Variants in PON2 observed in about 807,000 individuals in gnomAD.
PON2 encodes serum paraoxonase/arylesterase 2.
A neutral mutation model predicts 36.6 loss-of-function variants in PON2; 27 were observed. That is an observed-to-expected ratio of 0.74 (90% CI 0.54 to 1.02). The LOEUF (loss-of-function observed/expected upper bound fraction) is 1.02. Among genes scored for constraint, PON2 ranks in the 50% least tolerant of loss-of-function variants. The pLI, the probability that PON2 is intolerant of heterozygous loss-of-function variation, is 0.00. For missense variants in PON2, 363 were observed against 421.1 expected, an observed-to-expected ratio of 0.86 and a Z score of 1.21; for synonymous variants, 149 against 156.3, an observed-to-expected ratio of 0.95 and a Z score of 0.35.
rs760056774 is a variant in PON2, at chr7:95,424,540, T to C, written c.120A>G (p.Pro40=). Residue 40 remains proline (P), a synonymous_variant, in exon 2 of 9, where the codon CCA becomes CCG. Coordinates refer to ENST00000222572, the MANE Select transcript of PON2 (RefSeq NM_000305.3). The part of the protein sequence containing the change: ...ASREVESVDL[P]HCHLIKGIEA... Reference sequence around the variant, plus strand: ...CAATTCCTTTAATCAGGTGGCAGTGTGGAAGGTCTACAGATTCTACTTCTC... The same window carrying C: ...CAATTCCTTTAATCAGGTGGCAGTGCGGAAGGTCTACAGATTCTACTTCTC... 2 of 1,613,416 alleles carry C rather than the reference T, an allele frequency of 1.2e-6. No individual in the cohort carries two copies. The highest frequency in any genetic ancestry group is 2.2e-5 in the East Asian group (1 of 44,838).
chr7:95,424,136 A>G (rs1212224163), intron 2 of PON2: 5 of 281,574 alleles, frequency 1.8e-5, no homozygotes, highest in African/African-American at 1.1e-4. Context: ...AGTAGTGAGC[A>G]GGGTAAATGC....
intron 1 of PON2, among the ~76,000 whole-genome samples, chr7:95,432,859 C>G (rs1476528038): frequency 6.6e-6 from 1 of 152,214 alleles, no homozygotes; most frequent in African/African-American, 2.4e-5. Context: ...GATGAAACTA[C>G]AACCATGGGA....
In PON2 at chr7:95,409,962, C is replaced by T; in HGVS notation, c.634G>A (p.Val212Ile). The T allele has an allele frequency of 6.2e-7, 1 of 1,613,898 alleles. No individual in the cohort carries two copies. Among genetic ancestry groups the T allele is most frequent in the Non-Finnish European group, 8.5e-7 (1 of 1,179,900 alleles). Residue 212 changes from valine (V) to isoleucine (I), a missense_variant, in exon 6 of 9, where the codon GTT becomes ATT. Physicochemically the swap from Val to Ile is conservative, Grantham distance 29 (BLOSUM62 3). Transcript: ENST00000222572. ...ANVVYYSPNE[V>I]KVVAEGFDSA... ...TCAAATCCTTCTGCTACCACTTTAA[C>T]TTCATTTGGACTGTAGTAAACAACA...
intron 2 of PON2, chr7:95,418,276 C>A (rs942391677): frequency 3.9e-5 from 6 of 152,156 alleles, no homozygotes; most frequent in Admixed American, 3.9e-4. Flanking sequence ...CTTGTAAATA[C>A]CCTGCATACA....
chr7:95,412,453 T>C lies in PON2; in HGVS notation c.226A>G (p.Ser76Gly). 1 of 1,614,134 alleles carries C rather than the reference T, an allele frequency of 6.2e-7. No homozygotes were observed. ...CCTCCAGGCTTATCTGGTGCAAAGCTGTGGAGTCCTGGGAATTTTAGACCC... is the reference window on the plus strand; with the variant it reads ...CCTCCAGGCTTATCTGGTGCAAAGCCGTGGAGTCCTGGGAATTTTAGACCC... ...SVGLKFPGLHSFAPDKPGGIL... is the reference protein window; with the variant it reads ...SVGLKFPGLHGFAPDKPGGIL... The change falls in exon 4 of 9, where the codon AGC (serine) becomes GGC (glycine). Residue 76 changes from serine to glycine, a missense_variant. Transcript: ENST00000222572.
chr7:95,429,259 C>T (rs767498675), intron 1 of PON2, among the ~76,000 whole-genome samples: 3 of 151,490 alleles, frequency 2.0e-5, no homozygotes, highest in African/African-American at 7.3e-5. Context: ...GTTCAATTCC[C>T]ACCTATAAGT....
intron 1 of PON2, among the ~76,000 whole-genome samples, chr7:95,424,916 T>G (rs1789280578): frequency 6.6e-6 from 1 of 152,162 alleles, no homozygotes; most frequent in Admixed American, 6.5e-5. Context: ...GTTGGTGTTG[T>G]GGGAAAAGAG....
At chr7:95,428,367 T>C (rs1789363188) in intron 1 of PON2, among the ~76,000 whole-genome samples, 1 of 152,150 alleles carries the variant, frequency 6.6e-6, no homozygotes, top group South Asian at 2.1e-4. Context: ...GACCAAGGAA[T>C]CCATGGGTAG....
chr7:95,426,631 C>G (rs1046700358), intron 1 of PON2, among the ~76,000 whole-genome samples: 1 of 152,180 alleles, frequency 6.6e-6, no homozygotes, highest in Non-Finnish European at 1.5e-5. Context: ...TGCCATGACC[C>G]TTGGCAGGTC....
At chr7:95,430,317 G>T (rs1178938810) in intron 1 of PON2, among the ~76,000 whole-genome samples, 34 of 142,116 alleles carry the variant, frequency 2.4e-4, no homozygotes, top group Middle Eastern at 3.6e-3. Context: ...AAATTTTTTT[G>T]TTTTTTTTTT....
chr7:95,407,680 C>T (rs987539), intron 6 of PON2, among the ~76,000 whole-genome samples: 84,289 of 151,976 alleles, frequency 0.55, 24,336 homozygotes, highest in East Asian at 0.83. Context: ...CTCAGTGTTG[C>T]AGCAGATATA....
chr7:95,425,010 AAAG>A (rs1789282983), intron 1 of PON2, among the ~76,000 whole-genome samples: 1 of 152,208 alleles, frequency 6.6e-6, no homozygotes. Context: ...CAGAGACTGC[AAAG>A]AAGCCAAGAG....
rs532174350 is a variant in PON2, at chr7:95,434,982, C to T, written c.-31G>A. ...GGGAGCCGGGCGCGCTGCCTCGCTC[C>T]GGCCTGGCCAGCAGCTCCGTGGGCG... is the stretch of plus-strand genomic sequence containing the variant. On this transcript the variant is annotated 5_prime_UTR_variant, in exon 1 of 9. Transcript: ENST00000222572. The T allele has an allele frequency of 1.2e-3, 1,756 of 1,511,934 alleles. 3 individuals carry two copies. Among genetic ancestry groups the T allele is most frequent in the South Asian group, 1.6e-3 (133 of 81,272 alleles). The allele number at this position is 1,511,934 out of a possible 1,614,324, so 93.7% of individuals were successfully genotyped here. A position where few individuals can be genotyped will look rare whatever the true frequency, so the allele number is the denominator to read the frequency against.
intron 2 of PON2, among the ~76,000 whole-genome samples, chr7:95,421,711 G>A (rs1421120215): frequency 6.6e-6 from 1 of 152,074 alleles, no homozygotes; most frequent in Non-Finnish European, 1.5e-5. Context: ...GTAGAACTGG[G>A]GAAATACAAA....
At chr7:95,423,341 A>T (rs1481743775) in intron 2 of PON2, among the ~76,000 whole-genome samples, 1 of 150,648 alleles carries the variant, frequency 6.6e-6, no homozygotes, top group African/African-American at 2.5e-5. Flanking sequence ...AAAAAAAAAA[A>T]TTAAAATTTA....
Position 95,406,923 on chromosome 7 carries a change from A to G in PON2, c.777+64T>C, listed in dbSNP as rs17876162. 5,044 of 1,042,614 alleles carry G rather than the reference A, an allele frequency of 4.8e-3. 156 individuals carry two copies. In the African/African-American group the frequency reaches 0.067, roughly 14 times the overall value. The allele number at this position is 1,042,614 out of a possible 1,614,324, so 64.6% of individuals were successfully genotyped here. A position where few individuals can be genotyped will look rare whatever the true frequency, so the allele number is the denominator to read the frequency against. On this transcript the variant is annotated intron_variant, in intron 7 of 8. Transcript: ENST00000222572. Reference sequence around the variant, plus strand: ...TTTGTTCTACGTGTGGTACTCTTATAGAAAAACTATGTCATTGCAAAGCAT... The same window carrying G: ...TTTGTTCTACGTGTGGTACTCTTATGGAAAAACTATGTCATTGCAAAGCAT...
chr7:95,408,387 T>C (rs760321019), intron 6 of PON2, among the ~76,000 whole-genome samples: 9 of 152,028 alleles, frequency 5.9e-5, no homozygotes, highest in Non-Finnish European at 1.0e-4. Flanking sequence ...AGTTTGGGGG[T>C]AGAGGAAGGA....
intron 6 of PON2, among the ~76,000 whole-genome samples, chr7:95,407,497 ATATT>A (rs1287389028): frequency 2.6e-5 from 4 of 152,208 alleles, no homozygotes; most frequent in Non-Finnish European, 4.4e-5. Flanking sequence ...ATTCAATAAA[ATATT>A]TATTAATACA....
chr7:95,416,117 G>A, intron 3 of PON2, 125 bp downstream of exon 3: 2 of 1,501,726 alleles, frequency 1.3e-6, no homozygotes, highest in Non-Finnish European at 1.8e-6. Flanking sequence ...GATCTTGTTT[G>A]ACCTCTCTTT....
Sources: allele counts gnomAD v4.1 joint callset (sites outside exome capture counted in the v4.1 genomes callset), GRCh38; gene constraint gnomAD v4.1.1; transcripts MANE v1.5; gene names NCBI Gene and HGNC (gene_info 2026-07-23, HGNC 2026-07-21).